AGBL1: variants seen among roughly 807,000 people sequenced by gnomAD.
The protein encoded by AGBL1 is AGBL carboxypeptidase 1.
AGBL1 carries 130 observed loss-of-function variants against 118.9 expected under a neutral mutation model. The ratio of observed to expected loss-of-function variants is 1.09; its 90% confidence interval spans 0.95 to 1.26. The LOEUF (loss-of-function observed/expected upper bound fraction) is 1.26. Ranked by LOEUF, AGBL1 falls within the 50% of genes most tolerant of loss-of-function variation. AGBL1 has a pLI of 0.00. For missense variants in AGBL1, 1,584 were observed against 1,298.1 expected (o/e 1.22, Z -3.38); for synonymous variants, 555 against 478.9 (o/e 1.16, Z -2.08).
chr15:86,542,250 A>G (rs913634224), intron 19 of AGBL1, among the ~76,000 whole-genome samples: 1 of 151,716 alleles, frequency 6.6e-6, no homozygotes, highest in Admixed American at 6.6e-5. Context: ...CTCAGAAGAC[A>G]CTCCCTCCAT....
intron 23 of AGBL1, among the ~76,000 whole-genome samples, chr15:86,959,786 T>C (rs1011693015): frequency 6.6e-6 from 1 of 152,100 alleles, no homozygotes. Context: ...CTTTTTCTTC[T>C]AAAGCCAAAA....
chr15:86,684,167 A>G (rs1379159494), intron 22 of AGBL1, among the ~76,000 whole-genome samples: 1 of 152,198 alleles, frequency 6.6e-6, no homozygotes, highest in Non-Finnish European at 1.5e-5. Flanking sequence ...ACAGATCGTT[A>G]TGGGGATAAA....
intron 5 of AGBL1, among the ~76,000 whole-genome samples, chr15:86,197,392 C>A (rs1765852650): frequency 3.3e-5 from 5 of 152,080 alleles, no homozygotes. Context: ...GCCATTCTGG[C>A]AAGGAATTAG....
chr15:86,894,619 T>G (rs922832598), intron 22 of AGBL1, among the ~76,000 whole-genome samples: 21 of 152,260 alleles, frequency 1.4e-4, no homozygotes, highest in African/African-American at 5.1e-4. Flanking sequence ...TTAATAAGAT[T>G]GGAGGTGATT....
chr15:86,890,061 G>T (rs2080029485), intron 22 of AGBL1, among the ~76,000 whole-genome samples: 1 of 152,120 alleles, frequency 6.6e-6, no homozygotes, highest in African/African-American at 2.4e-5. Flanking sequence ...AGCATCTGTT[G>T]TTACTGGACT....
At chr15:86,563,707 G>C (rs962807489) in intron 21 of AGBL1, among the ~76,000 whole-genome samples, 10 of 151,984 alleles carry the variant, frequency 6.6e-5, no homozygotes, top group African/African-American at 2.4e-4. Context: ...TGTCTTGTTG[G>C]TCTGTCTAAT....
chr15:86,764,839 T>A (rs1461532984), intron 22 of AGBL1, among the ~76,000 whole-genome samples: 1 of 152,060 alleles, frequency 6.6e-6, no homozygotes, highest in Non-Finnish European at 1.5e-5. Flanking sequence ...ACCTTTGAGC[T>A]GGGTGAATGT....
chr15:86,878,707 T>C (rs962941581), intron 22 of AGBL1, among the ~76,000 whole-genome samples: 4 of 151,568 alleles, frequency 2.6e-5, no homozygotes, highest in African/African-American at 9.8e-5. Flanking sequence ...TGAGAGTTTG[T>C]AGTTTTCTGC....
intron 22 of AGBL1, among the ~76,000 whole-genome samples, chr15:86,836,231 A>G (rs903949232): frequency 6.6e-6 from 1 of 152,184 alleles, no homozygotes; most frequent in South Asian, 2.1e-4. Flanking sequence ...CCAATAGCTT[A>G]TTTGTTCAAT....
intron 5 of AGBL1, among the ~76,000 whole-genome samples, chr15:86,181,658 A>G (rs150582774): frequency 2.2e-4 from 33 of 152,158 alleles, no homozygotes; most frequent in African/African-American, 7.7e-4. Context: ...TTAAATGTGT[A>G]TAACTTATTG....
chr15:86,376,151 T>C (rs1274116168), intron 17 of AGBL1, among the ~76,000 whole-genome samples: 1 of 152,180 alleles, frequency 6.6e-6, no homozygotes, highest in Non-Finnish European at 1.5e-5. Flanking sequence ...AGAGACTCAA[T>C]GGGACAAAGG....
intron 22 of AGBL1, among the ~76,000 whole-genome samples, chr15:86,790,939 G>A (rs1371486081): frequency 6.6e-6 from 1 of 152,002 alleles, no homozygotes; most frequent in Non-Finnish European, 1.5e-5. Context: ...AAAATCTACA[G>A]ACAAAATAAC....
intron 17 of AGBL1, among the ~76,000 whole-genome samples, chr15:86,361,022 C>A (rs2080797510): frequency 1.3e-5 from 2 of 151,296 alleles, no homozygotes; most frequent in Admixed American, 1.3e-4. Flanking sequence ...TAATTTTGAT[C>A]TTTTTTAAAA....
In AGBL1 at chr15:86,744,701, C is replaced by T. The variant is rs73445215; in HGVS notation, c.3158+70265C>T. 7.7e-3 allele frequency among the ~76,000 whole-genome samples: 1,169 copies of T among 152,250 alleles called. 19 individuals carry two copies. The highest frequency in any genetic ancestry group is 0.027 in the African/African-American group (1,120 of 41,538). On this transcript the variant is annotated intron_variant, in intron 22 of 22. Coordinates refer to ENST00000614907, the MANE Select transcript of AGBL1 (RefSeq NM_001386094.1). The stretch of plus-strand genomic sequence containing the variant: ...GTGTTTCTCCCACCCTCCCTCTTTG[C>T]ACTGAGTCCTGAGACTAATATGGGA...
chr15:86,328,197 C>T (rs906181950), intron 17 of AGBL1, among the ~76,000 whole-genome samples: 9 of 152,134 alleles, frequency 5.9e-5, no homozygotes, highest in Non-Finnish European at 8.8e-5. Context: ...CATGAGAGAT[C>T]AAGTTAATGC....
At chr15:86,181,874 AGT>A (rs2077557408) in intron 5 of AGBL1, among the ~76,000 whole-genome samples, 1 of 152,088 alleles carries the variant, frequency 6.6e-6, no homozygotes, top group African/African-American at 2.4e-5. Flanking sequence ...AGTACTATCT[AGT>A]CGAAAATATA....
intron 21 of AGBL1, among the ~76,000 whole-genome samples, chr15:86,576,923 C>T (rs117294653): frequency 9.9e-5 from 15 of 152,134 alleles, no homozygotes; most frequent in Non-Finnish European, 1.9e-4. Context: ...GTCCAATAAA[C>T]CTCTTTCTTT....
intron 5 of AGBL1, among the ~76,000 whole-genome samples, chr15:86,160,850 A>T (rs1460563383): frequency 1.3e-5 from 2 of 152,188 alleles, no homozygotes; most frequent in Non-Finnish European, 2.9e-5. Flanking sequence ...AGCTCTTCCC[A>T]CATAGCCATG....
chr15:86,576,930 C>G (rs1319267462), intron 21 of AGBL1, among the ~76,000 whole-genome samples: 1 of 152,182 alleles, frequency 6.6e-6, no homozygotes, highest in African/African-American at 2.4e-5. Context: ...AAACCTCTTT[C>G]TTTTGTAAAT....
Sources: allele counts gnomAD v4.1 joint callset (sites outside exome capture counted in the v4.1 genomes callset), GRCh38; gene constraint gnomAD v4.1.1; transcripts MANE v1.5; gene names NCBI Gene and HGNC (gene_info 2026-07-23, HGNC 2026-07-21).